The following TTBK2 variants were observed in gnomAD, a reference collection of about 807,000 sequenced individuals.
TTBK2 encodes tau tubulin kinase 2.
Under a neutral mutation model 110.8 loss-of-function variants are expected in TTBK2, and 28 were observed. The observed-to-expected ratio is 0.25, with a 90% confidence interval of 0.19 to 0.35. The LOEUF is 0.35. Ranked by LOEUF, TTBK2 falls within the 10% of genes least tolerant of loss-of-function variation. The probability of loss-of-function intolerance (pLI) is 1.00; values close to 1 mark genes in which losing one functional copy is unlikely to be tolerated. For synonymous variants in TTBK2, 532 were observed against 527.3 expected, an observed-to-expected ratio of 1.01 and a Z score of -0.12; for missense variants, 1,369 against 1,500.3, an observed-to-expected ratio of 0.91 and a Z score of 1.45.
In TTBK2 at chr15:42,770,082, T is replaced by A. The variant is rs549518140; in HGVS notation, c.1998+5053A>T. ...ATACTTGGACACAGGGTGGGGAACA[T>A]CACACACCAGGGCCTGTCGTGGGGT... On this transcript the variant is annotated intron_variant, in intron 13 of 14. Transcript: ENST00000267890. Among the ~76,000 whole-genome samples the A allele has an allele frequency of 3.1e-3, 383 of 124,316 alleles. 3 individuals carry two copies. Among genetic ancestry groups the A allele is most frequent in the African/African-American group, 0.012 (360 of 29,952 alleles). The allele number at this position is 124,316 out of a possible 152,430, so 81.6% of individuals were successfully genotyped here. A position where few individuals can be genotyped will look rare whatever the true frequency, so the allele number is the denominator to read the frequency against.
chr15:42,830,030 T>A lies in TTBK2; in HGVS notation c.340A>T (p.Thr114Ser). 1 of 1,614,110 alleles carries A rather than the reference T, an allele frequency of 6.2e-7. No individual in the cohort carries two copies. ...CCCAGCCGGAGAGTGGTACTAATGG[T>A]GAATGTGCCTCGGGACTGGCTACGG... ...LRRSQSRGTF[T>S]ISTTLRLGRQ... Residue 114 changes from threonine to serine, a missense_variant, in exon 5 of 15, where the codon ACC (threonine) becomes TCC (serine). Physicochemically the swap from Thr to Ser is moderately conservative, Grantham distance 58. This residue lies in a region of TTBK2 where 122 missense variants were observed against 159.7 expected (regional missense o/e 0.76). Coordinates refer to ENST00000267890, the MANE Select transcript of TTBK2 (RefSeq NM_173500.4).
Position 42,776,216 on chromosome 15 carries a change from T to C in TTBK2, c.1410-493A>G, listed in dbSNP as rs538278819. On this transcript the variant is annotated intron_variant, in intron 12 of 14. Transcript: ENST00000267890. ...GCTGAATTGTCTTGGGAAACAGTAA[T>C]TACCATCTTAGTCAAATTCACAGTC... is the stretch of plus-strand genomic sequence containing the variant. Among the ~76,000 whole-genome samples the C allele has an allele frequency of 3.9e-5, 6 of 152,314 alleles. No individual in the cohort carries two copies. In the East Asian group the frequency reaches 1.2e-3, roughly 29 times the overall value.
At chr15:42,879,674 G>A (rs1894961157) in intron 1 of TTBK2, among the ~76,000 whole-genome samples, 1 of 151,398 alleles carries the variant, frequency 6.6e-6, no homozygotes, top group Admixed American at 6.6e-5. Context: ...AATTTGGCCT[G>A]CAGACTGTTT....
At chr15:42,894,770 T>C (rs1314955483) in intron 1 of TTBK2, among the ~76,000 whole-genome samples, 1 of 151,876 alleles carries the variant, frequency 6.6e-6, no homozygotes, top group Non-Finnish European at 1.5e-5. Flanking sequence ...AAACAAAAAA[T>C]AAGAGACCCA....
At chr15:42,919,254 A>G (rs1301204654) in intron 1 of TTBK2, among the ~76,000 whole-genome samples, 1 of 149,122 alleles carries the variant, frequency 6.7e-6, no homozygotes, top group African/African-American at 2.5e-5. Flanking sequence ...ATATTAAGCT[A>G]TATTTGTCAT....
At chr15:42,874,309 T>A (rs909852120) in intron 2 of TTBK2, among the ~76,000 whole-genome samples, 15 of 152,082 alleles carry the variant, frequency 9.9e-5, no homozygotes, top group Admixed American at 3.9e-4. Flanking sequence ...TTTATTTTTT[T>A]ATTTTTTTTA....
intron 4 of TTBK2, among the ~76,000 whole-genome samples, chr15:42,839,133 G>T (rs972152406): frequency 6.6e-6 from 1 of 151,962 alleles, no homozygotes; most frequent in Non-Finnish European, 1.5e-5. Flanking sequence ...GGTGTCTATT[G>T]TCCCCCTCTT....
At chr15:42,826,255 ATTTT>A (rs561540234) in intron 6 of TTBK2, among the ~76,000 whole-genome samples, 1 of 152,108 alleles carries the variant, frequency 6.6e-6, no homozygotes, top group African/African-American at 2.4e-5. Flanking sequence ...TTTTATATTT[ATTTT>A]TTATTTTAGA....
chr15:42,773,086 C>A (rs1227312817), intron 13 of TTBK2, among the ~76,000 whole-genome samples: 5 of 152,072 alleles, frequency 3.3e-5, no homozygotes, highest in African/African-American at 1.2e-4. Context: ...GCCTGTAGTC[C>A]TAGTGACTTG....
chr15:42,873,206 C>A (rs558491918), intron 2 of TTBK2, among the ~76,000 whole-genome samples: 3 of 152,068 alleles, frequency 2.0e-5, no homozygotes, highest in African/African-American at 7.2e-5. Context: ...CCAAGGCGGG[C>A]GGCTCACTTG....
At chr15:42,897,271 G>A (rs1241050767) in intron 1 of TTBK2, among the ~76,000 whole-genome samples, 1 of 152,118 alleles carries the variant, frequency 6.6e-6, no homozygotes, top group African/African-American at 2.4e-5. Flanking sequence ...AGATTAGTAA[G>A]ACGTCCTGAG....
In TTBK2 at chr15:42,834,183, C is replaced by CA. The variant is rs1261600493; in HGVS notation, c.292-4106dup. On this transcript the variant is annotated intron_variant, in intron 4 of 14. Transcript: ENST00000267890. ...CTCCAACCAGAGCAAGACCCCATCT[C>CA]AAAAAAAAAAAAAGGGGGGGGGTGT... Among the ~76,000 whole-genome samples, 59 of 38,968 alleles carry CA rather than the reference C, an allele frequency of 1.5e-3. 1 individual carries two copies. The highest frequency in any genetic ancestry group is 2.1e-3 in the African/African-American group (13 of 6,134). The allele number at this position is 38,968 out of a possible 152,430, so 25.6% of individuals were successfully genotyped here. A position where few individuals can be genotyped will look rare whatever the true frequency, so the allele number is the denominator to read the frequency against.
rs1442885369 is a variant in TTBK2, at chr15:42,753,058, A to G, written c.2188T>C (p.Leu730=). 8 of 1,612,390 alleles carry G rather than the reference A, an allele frequency of 5.0e-6. No individual in the cohort carries two copies. Among genetic ancestry groups the G allele is most frequent in the Non-Finnish European group, 6.8e-6 (8 of 1,179,222 alleles). ...EPPSGGSRTD[L]GLQIDHIGHD... is the part of the protein sequence containing the mutation. Reference sequence around the variant, plus strand: ...CCAATGTGATCTATCTGAAGCCCCAAATCTGTTCTGCTTCCTCCACTAGGA... The same window carrying G: ...CCAATGTGATCTATCTGAAGCCCCAGATCTGTTCTGCTTCCTCCACTAGGA... The change falls in exon 14 of 15, where the codon TTG becomes CTG. Residue 730 remains leucine, a synonymous_variant. Coordinates refer to ENST00000267890, the MANE Select transcript of TTBK2 (RefSeq NM_173500.4).
chr15:42,871,519 C>G (rs1172915499), intron 3 of TTBK2: 1 of 985,296 alleles, frequency 1.0e-6, no homozygotes, highest in Non-Finnish European at 1.2e-6. Flanking sequence ...TGCTGACATA[C>G]CCTTCATGGG....
At position 42,751,995 on chromosome 15, in the gene TTBK2, G is replaced by A. The variant is rs34348991; in HGVS notation, c.3251C>T (p.Thr1084Met). 17,398 of 1,614,136 alleles carry A rather than the reference G, an allele frequency of 0.011. 695 individuals are homozygous for A. The East Asian group carries it at 0.11, about 10-fold the overall frequency. The change falls in exon 14 of 15, where the codon ACG (threonine) becomes ATG (methionine). Residue 1084 changes from threonine (T) to methionine (M), a missense_variant. This residue lies in a region of TTBK2 where 1,097 missense variants were observed against 1,114.7 expected (regional missense o/e 0.98). Coordinates refer to ENST00000267890, the MANE Select transcript of TTBK2 (RefSeq NM_173500.4). ...FPRPPPGKPP[T>M]RPGVEARLRR... ...TTACCTGGCTTCTACTCCAGGCCTC[G>A]TGGGTGGCTTTCCTGGTGGTGGCCG...
intron 3 of TTBK2, among the ~76,000 whole-genome samples, chr15:42,851,002 G>T (rs1370602144): frequency 6.6e-6 from 1 of 151,768 alleles, no homozygotes; most frequent in Admixed American, 6.6e-5. Context: ...GAGGAGGGTG[G>T]ATCACGAGGT....
chr15:42,774,169 T>C (rs1271963304), intron 13 of TTBK2, among the ~76,000 whole-genome samples: 3 of 152,198 alleles, frequency 2.0e-5, no homozygotes, highest in African/African-American at 7.2e-5. Flanking sequence ...TGATGTGGAA[T>C]TGTGTTCTAA....
At chr15:42,769,344 C>A (rs1449957650) in intron 13 of TTBK2, among the ~76,000 whole-genome samples, 1 of 152,194 alleles carries the variant, frequency 6.6e-6, no homozygotes, top group Admixed American at 6.5e-5. Context: ...AATGGGAGAA[C>A]ATTTTTGCAA....
rs987659023 is a variant in TTBK2 at position 42,752,117 on chromosome 15, G to T, written c.3129C>A (p.Pro1043=). The stretch of plus-strand genomic sequence containing the variant: ...TGCTCTTTCTAGACTGGGAGATGAT[G>T]GGTGACAGAAAGCTATCTTCAGCTG... The part of the protein sequence containing the change: ...SRSAEDSFLS[P]IISQSRKSKI... Residue 1043 remains proline (P), a synonymous_variant, in exon 14 of 15, where the codon CCC becomes CCA. Coordinates refer to ENST00000267890, the MANE Select transcript of TTBK2 (RefSeq NM_173500.4). The T allele has an allele frequency of 2.5e-6, 4 of 1,614,176 alleles. No homozygotes were observed. In the East Asian group the frequency reaches 8.9e-5, roughly 36 times the overall value.
Sources: allele counts gnomAD v4.1 joint callset (sites outside exome capture counted in the v4.1 genomes callset), GRCh38; gene constraint gnomAD v4.1.1; regional missense constraint gnomAD v4.1.1; transcripts MANE v1.5; gene names NCBI Gene and HGNC (gene_info 2026-07-23, HGNC 2026-07-21).